The following GAB2 variants were observed in gnomAD, a reference collection of about 807,000 sequenced individuals.
GAB2 encodes the protein GRB2 associated binding protein 2.
In GAB2, 26 loss-of-function variants were observed where a neutral mutation model predicts 65.5. The observed-to-expected ratio is 0.40, with a 90% CI of 0.29 to 0.55. GAB2 has a LOEUF of 0.55. Among genes scored for constraint, GAB2 ranks in the 20% least tolerant of loss-of-function variants. The pLI, the probability that GAB2 is intolerant of heterozygous loss-of-function variation, is 0.53. For missense variants in GAB2, 884 were observed against 875.8 expected, an observed-to-expected ratio of 1.01 and a Z score of -0.12; for synonymous variants, 321 against 329.6, an observed-to-expected ratio of 0.97 and a Z score of 0.28.
intron 1 of GAB2, among the ~76,000 whole-genome samples, chr11:78,367,808 T>C (rs1856515679): frequency 6.7e-6 from 1 of 150,014 alleles, no homozygotes. Context: ...TGTCAGTGCT[T>C]AATTTTCTTT....
chr11:78,292,666 G>A (rs1866713808), intron 1 of GAB2, among the ~76,000 whole-genome samples: 1 of 152,224 alleles, frequency 6.6e-6, no homozygotes, highest in African/African-American at 2.4e-5. Flanking sequence ...TACAGTGGGA[G>A]TCATGTAACA....
At chr11:78,277,175 A>G (rs1866195055) in intron 2 of GAB2, among the ~76,000 whole-genome samples, 2 of 152,194 alleles carry the variant, frequency 1.3e-5, no homozygotes, top group Non-Finnish European at 2.9e-5. Flanking sequence ...TCTCAAGAAT[A>G]TATTTTCTTG....
intron 2 of GAB2, among the ~76,000 whole-genome samples, chr11:78,255,720 T>C (rs1865578670): frequency 6.6e-6 from 1 of 152,224 alleles, no homozygotes; most frequent in Non-Finnish European, 1.5e-5. Context: ...TTGCCATTGG[T>C]AAGTGGAGTA....
intron 1 of GAB2, among the ~76,000 whole-genome samples, chr11:78,324,550 C>A (rs972889651): frequency 9.9e-5 from 15 of 152,134 alleles, no homozygotes; most frequent in African/African-American, 3.1e-4. Context: ...AATGGCTAGC[C>A]TTTCATGAGT....
At chr11:78,279,448 T>C (rs1028012407) in intron 2 of GAB2, among the ~76,000 whole-genome samples, 2 of 152,172 alleles carry the variant, frequency 1.3e-5, no homozygotes, top group African/African-American at 4.8e-5. Flanking sequence ...GGAACTTTTT[T>C]TTAAAGAATG....
intron 1 of GAB2, among the ~76,000 whole-genome samples, chr11:78,349,338 TG>T (rs1468238748): frequency 2.0e-5 from 3 of 152,216 alleles, no homozygotes; most frequent in Admixed American, 2.0e-4. Flanking sequence ...AAAAAACATT[TG>T]ATTATTAATG....
chr11:78,223,484 G>A lies in GAB2; in HGVS notation c.1495C>T (p.His499Tyr), dbSNP rs868149353. 3 of 1,606,722 alleles carry A rather than the reference G, an allele frequency of 1.9e-6. No homozygotes were observed. The highest frequency in any genetic ancestry group is 2.7e-5 in the African/African-American group (2 of 74,818). The part of the protein sequence containing the change: ...LGYPSTTLPV[H>Y]RGPSRGSEIQ... ...TCACTTCCTCTGCTGGGGCCTCGGT[G>A]CACAGGAAGGGTTGTTGATGGGTAG... The change falls in exon 6 of 10, where the codon CAC becomes TAC. Residue 499 changes from histidine to tyrosine, a missense_variant. Coordinates refer to ENST00000361507, the MANE Select transcript of GAB2 (RefSeq NM_080491.3).
chr11:78,267,504 T>A (rs1212225405), intron 2 of GAB2, among the ~76,000 whole-genome samples: 1 of 152,082 alleles, frequency 6.6e-6, no homozygotes, highest in Non-Finnish European at 1.5e-5. Context: ...TATGGAAAAC[T>A]ACCATTTACT....
At chr11:78,359,525 A>C (rs529568873) in intron 1 of GAB2, among the ~76,000 whole-genome samples, 16 of 152,320 alleles carry the variant, frequency 1.1e-4, no homozygotes, top group African/African-American at 3.4e-4. Flanking sequence ...AAAAAAACAG[A>C]AATTGCCACA....
At chr11:78,230,279 G>A (rs1422954947) in intron 3 of GAB2, among the ~76,000 whole-genome samples, 2 of 152,024 alleles carry the variant, frequency 1.3e-5, no homozygotes, top group East Asian at 1.9e-4. Flanking sequence ...CCTCTACCCC[G>A]GCATCCTCCT....
intron 3 of GAB2, among the ~76,000 whole-genome samples, chr11:78,248,220 A>G (rs1278962126): frequency 2.0e-5 from 3 of 152,178 alleles, no homozygotes; most frequent in Non-Finnish European, 4.4e-5. Context: ...ATTAATAGGG[A>G]TTTCACAGAG....
At chr11:78,226,094 G>A (rs537932593) in intron 4 of GAB2, among the ~76,000 whole-genome samples, 4 of 152,316 alleles carry the variant, frequency 2.6e-5, no homozygotes, top group South Asian at 2.1e-4. Flanking sequence ...TTTCACTCCA[G>A]TTTGGACTGA....
At chr11:78,376,978 C>T (rs900726884) in intron 1 of GAB2, among the ~76,000 whole-genome samples, 43 of 152,092 alleles carry the variant, frequency 2.8e-4, no homozygotes, top group African/African-American at 1.0e-3. Flanking sequence ...GTGTATGGCA[C>T]CTCCTGCCAC....
chr11:78,315,429 C>A (rs1369378081), intron 1 of GAB2, among the ~76,000 whole-genome samples: 4 of 152,052 alleles, frequency 2.6e-5, no homozygotes, highest in Non-Finnish European at 4.4e-5. Flanking sequence ...AAAGAAATAA[C>A]AGAACTTTTC....
At chr11:78,298,921 C>G (rs1194953766) in intron 1 of GAB2, among the ~76,000 whole-genome samples, 1 of 152,184 alleles carries the variant, frequency 6.6e-6, no homozygotes, top group Non-Finnish European at 1.5e-5. Context: ...TACTTCTTTG[C>G]TTTAAATTAG....
At chr11:78,302,258 G>A (rs1867043985) in intron 1 of GAB2, among the ~76,000 whole-genome samples, 1 of 152,078 alleles carries the variant, frequency 6.6e-6, no homozygotes, top group Non-Finnish European at 1.5e-5. Context: ...ACAGGCCAGA[G>A]TGGGAGAAAA....
chr11:78,224,299 C>A (rs1446006928), intron 5 of GAB2, among the ~76,000 whole-genome samples: 1 of 152,114 alleles, frequency 6.6e-6, no homozygotes, highest in Non-Finnish European at 1.5e-5. Flanking sequence ...TGGTTCAGGA[C>A]CTGCCCTCCA....
intron 6 of GAB2, 122 bp from the exon 7 acceptor site, chr11:78,222,317 G>C: frequency 1.5e-6 from 1 of 676,676 alleles, no homozygotes; most frequent in Non-Finnish European, 2.7e-6. Context: ...TTTCACACAG[G>C]GAAACTGACG....
intron 1 of GAB2, among the ~76,000 whole-genome samples, chr11:78,338,608 AC>A (rs1424937610): frequency 6.6e-6 from 1 of 152,230 alleles, no homozygotes; most frequent in African/African-American, 2.4e-5. Flanking sequence ...TAGGTAGGTG[AC>A]AAAAACAGAA....
Sources: allele counts gnomAD v4.1 joint callset (sites outside exome capture counted in the v4.1 genomes callset), GRCh38; gene constraint gnomAD v4.1.1; transcripts MANE v1.5; gene names NCBI Gene and HGNC (gene_info 2026-07-23, HGNC 2026-07-21).